Variants in ESR2 observed in about 807,000 individuals in gnomAD.
The protein encoded by ESR2 is estrogen receptor 2.
ESR2 carries 36 observed loss-of-function variants against 49.6 expected under a neutral mutation model. The ratio of observed to expected loss-of-function variants is 0.73; its 90% CI spans 0.56 to 0.96. The LOEUF is 0.96. Among genes scored for constraint, ESR2 ranks in the 40% least tolerant of loss-of-function variants. The probability of loss-of-function intolerance (pLI) is 0.00; values close to 1 mark genes in which losing one functional copy is unlikely to be tolerated. For synonymous variants in ESR2, 320 were observed against 266.1 expected, an observed-to-expected ratio of 1.20 and a Z score of -1.97; for missense variants, 714 against 693.0, an observed-to-expected ratio of 1.03 and a Z score of -0.34.
chr14:64,276,795 A>T (rs1257168664), intron 3 of ESR2, among the ~76,000 whole-genome samples: 1 of 152,214 alleles, frequency 6.6e-6, no homozygotes, highest in Non-Finnish European at 1.5e-5. Context: ...GAAATTTAAC[A>T]ACAGAAATGC....
At chr14:64,320,373 C>T (rs1460174085) in intron 1 of ESR2, among the ~76,000 whole-genome samples, 2 of 151,522 alleles carry the variant, frequency 1.3e-5, no homozygotes, top group Non-Finnish European at 2.9e-5. Flanking sequence ...TGAGATAAGC[C>T]TGGGCAACAT....
chr14:64,235,352 C>G (rs2140620089), intron 7 of ESR2, among the ~76,000 whole-genome samples: 1 of 152,352 alleles, frequency 6.6e-6, no homozygotes, highest in Middle Eastern at 3.4e-3. Context: ...AGAAGAGAAG[C>G]CTGGCCTAAT....
intron 1 of ESR2, among the ~76,000 whole-genome samples, chr14:64,302,741 TC>T (rs1397819382): frequency 6.6e-6 from 1 of 152,202 alleles, no homozygotes; most frequent in East Asian, 1.9e-4. Flanking sequence ...CCGACAAGCT[TC>T]AGCAGCATGC....
intron 7 of ESR2, among the ~76,000 whole-genome samples, chr14:64,243,765 A>C (rs1194931295): frequency 2.0e-5 from 3 of 152,160 alleles, no homozygotes; most frequent in Non-Finnish European, 4.4e-5. Flanking sequence ...GCCCTGTGTG[A>C]ACTCTAGGGA....
In ESR2 at chr14:64,233,224, C is replaced by T; in HGVS notation, c.1506G>A (p.Gly502=). The T allele has an allele frequency of 6.2e-7, 1 of 1,614,182 alleles. No homozygotes were observed. Among genetic ancestry groups the T allele is most frequent in the Non-Finnish European group, 8.5e-7 (1 of 1,180,032 alleles). ...CGGACCCCGTGATGGAGGACTTGCA[C>T]CCGCGAAGCACGTGGGCATTCAGCA... ...LEMLNAHVLR[G]CKSSITGSEC... The change falls in exon 9 of 9, where the codon GGG becomes GGA. Residue 502 remains glycine, a synonymous_variant. Transcript: ENST00000341099.
chr14:64,280,249 T>A, intron 2 of ESR2, 96 bp from the exon 3 acceptor site: 1 of 891,990 alleles, frequency 1.1e-6, no homozygotes, highest in South Asian at 1.5e-5. Context: ...CCTAATTTAA[T>A]CTCTTTTTCC....
At chr14:64,313,843 C>T (rs2077216360) in intron 1 of ESR2, among the ~76,000 whole-genome samples, 2 of 135,898 alleles carry the variant, frequency 1.5e-5, no homozygotes, top group Non-Finnish European at 3.2e-5. Context: ...CTCGCCACTT[C>T]ACTCCAGCCA....
chr14:64,310,285 A>AT (rs1409927833), intron 1 of ESR2, among the ~76,000 whole-genome samples: 25 of 129,122 alleles, frequency 1.9e-4, no homozygotes, highest in African/African-American at 5.4e-4. Flanking sequence ...GTCGTCTCAA[A>AT]AAATAATAAT....
chr14:64,316,305 C>T (rs2140888992), intron 1 of ESR2, among the ~76,000 whole-genome samples: 1 of 152,134 alleles, frequency 6.6e-6, no homozygotes, highest in African/African-American at 2.4e-5. Flanking sequence ...GCCACAGTGC[C>T]CAGCCAGAAT....
intron 1 of ESR2, chr14:64,330,289 C>T (rs140822134): frequency 0.026 from 3,935 of 152,430 alleles, 172 homozygotes; most frequent in African/African-American, 0.089. Context: ...AGTAGCCAGG[C>T]GTGGTGGCAC....
At chr14:64,244,685 C>T (rs755826882) in intron 7 of ESR2, among the ~76,000 whole-genome samples, 28 of 152,330 alleles carry the variant, frequency 1.8e-4, no homozygotes, top group Admixed American at 5.2e-4. Context: ...GTTCTCAGGT[C>T]TTTCCATTTA....
chr14:64,293,464 G>T (rs1418421659), intron 1 of ESR2, among the ~76,000 whole-genome samples: 1 of 152,180 alleles, frequency 6.6e-6, no homozygotes, highest in Non-Finnish European at 1.5e-5. Flanking sequence ...TCACAAAAAT[G>T]ACATTCACTT....
chr14:64,248,524 A>G (rs113152906), intron 7 of ESR2, among the ~76,000 whole-genome samples: 3 of 142,284 alleles, frequency 2.1e-5, no homozygotes, highest in Admixed American at 1.4e-4. Flanking sequence ...AAAAAAAAAG[A>G]AAAAAAAAAA....
chr14:64,263,455 G>C (rs2076260491), intron 4 of ESR2, among the ~76,000 whole-genome samples: 1 of 152,080 alleles, frequency 6.6e-6, no homozygotes, highest in South Asian at 2.1e-4. Context: ...TCAGGAGTTT[G>C]AGACCAGCCT....
At chr14:64,243,103 G>A (rs1157905377) in intron 7 of ESR2, among the ~76,000 whole-genome samples, 2 of 152,204 alleles carry the variant, frequency 1.3e-5, no homozygotes, top group Non-Finnish European at 2.9e-5. Flanking sequence ...GGCACTACAA[G>A]ATGAGATTTG....
chr14:64,286,995 G>A (rs1451841874), intron 1 of ESR2, among the ~76,000 whole-genome samples: 1 of 151,272 alleles, frequency 6.6e-6, no homozygotes, highest in Admixed American at 6.6e-5. Context: ...GGGATTACAG[G>A]TGTGAGTCAC....
At position 64,286,305 on chromosome 14, in the gene ESR2, TTTC is replaced by T. The variant is rs1371921123; in HGVS notation, c.-90-3233_-90-3231del. Among the ~76,000 whole-genome samples the T allele has an allele frequency of 2.0e-5, 3 of 152,080 alleles. No homozygotes were observed. The East Asian group carries it at 5.8e-4, about 29-fold the overall frequency. On this transcript the variant is annotated intron_variant, in intron 1 of 8. Transcript: ENST00000341099. Reference sequence around the variant, plus strand: ...TTAATAATGAGTATGGAATTTTATATTTCATTTTTTTTTTACATGGAGTTTCGC... The same window carrying T: ...TTAATAATGAGTATGGAATTTTATATATTTTTTTTTTACATGGAGTTTCGC...
chr14:64,266,900 C>T (rs188606161), intron 4 of ESR2, among the ~76,000 whole-genome samples: 1 of 152,152 alleles, frequency 6.6e-6, no homozygotes, highest in East Asian at 1.9e-4. Flanking sequence ...CCCCCGCCCC[C>T]AGACAGAGTC....
chr14:64,267,616 C>T (rs543350089), intron 4 of ESR2, among the ~76,000 whole-genome samples: 1 of 152,076 alleles, frequency 6.6e-6, no homozygotes, highest in South Asian at 2.1e-4. Flanking sequence ...GTGGCTCACA[C>T]CTGTAATCCC....
Sources: gnomAD v4.1 joint callset for allele counts (sites outside exome capture counted in the v4.1 genomes callset) on GRCh38, gnomAD v4.1.1 for gene constraint, MANE v1.5 for transcripts, NCBI Gene and HGNC (gene_info 2026-07-23, HGNC 2026-07-21) for gene names.